The following ZNF254 variants were observed in gnomAD, a reference collection of about 807,000 sequenced individuals.
ZNF254 encodes the protein zinc finger protein 254.
ZNF254 carries 10 observed loss-of-function variants against 12.4 expected under a neutral mutation model. The ratio of observed to expected loss-of-function variants is 0.80; its 90% confidence interval spans 0.50 to 1.36. The LOEUF is 1.36. Among genes scored for constraint, ZNF254 ranks in the 40% most tolerant of loss-of-function variants. ZNF254 has a pLI of 0.00. For missense variants in ZNF254, 996 were observed against 763.9 expected (o/e 1.30, Z -3.58); for synonymous variants, 305 against 253.4 (o/e 1.20, Z -1.93).
chr19:24,106,662 A>G lies in ZNF254; in HGVS notation c.253+19A>G, dbSNP rs1233131536. On this transcript the variant is annotated intron_variant, in intron 3 of 3. Transcript: ENST00000357002. ...CCCCCAGGTAGGTGAGAGTGAATAC[A>G]ACAGATGACATGGATGAGAGGTCCA... 1.3e-6 allele frequency: 2 copies of G among 1,560,048 alleles called. No homozygotes were observed. Among genetic ancestry groups the G allele is most frequent in the East Asian group, 2.4e-5 (1 of 42,150 alleles).
intron 2 of ZNF254, among the ~76,000 whole-genome samples, chr19:24,051,058 T>C (rs1023660197): frequency 6.6e-6 from 1 of 152,140 alleles, no homozygotes; most frequent in African/African-American, 2.4e-5. Flanking sequence ...TTTTGACACA[T>C]AGCTGGGGCC....
intron 3 of ZNF254, among the ~76,000 whole-genome samples, chr19:24,125,122 C>G (rs1254284365): frequency 6.6e-6 from 1 of 151,522 alleles, no homozygotes; most frequent in Admixed American, 6.6e-5. Flanking sequence ...CAAAGGTAAT[C>G]TTTTTGTCTG....
intron 3 of ZNF254, among the ~76,000 whole-genome samples, chr19:24,120,930 ACT>A (rs902636503): frequency 6.8e-6 from 1 of 148,036 alleles, no homozygotes; most frequent in African/African-American, 2.5e-5. Context: ...TTATATGCAA[ACT>A]CTCGCTGTAT....
At chr19:24,077,551 A>T (rs1971701886) in intron 2 of ZNF254, among the ~76,000 whole-genome samples, 2 of 152,188 alleles carry the variant, frequency 1.3e-5, no homozygotes, top group Admixed American at 1.3e-4. Flanking sequence ...TGCAGCACTG[A>T]GCTCCTGGGT....
At chr19:24,055,646 C>T (rs780648745) in intron 2 of ZNF254, among the ~76,000 whole-genome samples, 2 of 152,104 alleles carry the variant, frequency 1.3e-5, no homozygotes, top group African/African-American at 2.4e-5. Context: ...ATAAACACAG[C>T]CCACTTTTGA....
intron 1 of ZNF254, among the ~76,000 whole-genome samples, chr19:24,097,397 T>G (rs985625211): frequency 6.6e-6 from 1 of 152,180 alleles, no homozygotes; most frequent in African/African-American, 2.4e-5. Flanking sequence ...TTATAAAGAT[T>G]AAAAGATACT....
chr19:24,082,150 C>G (rs917178152), intron 2 of ZNF254, among the ~76,000 whole-genome samples: 1 of 151,508 alleles, frequency 6.6e-6, no homozygotes, highest in East Asian at 2.0e-4. Context: ...AAGATAATAT[C>G]GAGTCTCGCA....
intron 3 of ZNF254, among the ~76,000 whole-genome samples, chr19:24,121,909 G>A (rs1974510010): frequency 6.6e-6 from 1 of 151,832 alleles, no homozygotes; most frequent in African/African-American, 2.4e-5. Context: ...GGTTTGTTGT[G>A]AATGGTTTTC....
At chr19:24,078,267 A>T (rs1410922456) in intron 2 of ZNF254, among the ~76,000 whole-genome samples, 1 of 152,130 alleles carries the variant, frequency 6.6e-6, no homozygotes, top group Non-Finnish European at 1.5e-5. Context: ...CCAACTGCTG[A>T]TCTCACCTGA....
rs398034320 is a variant in ZNF254, at chr19:24,048,003, C to CTTTTTTTTTTTTTTTTTTTTTTTTT, written c.-94+1747_-94+1748insTTTTTTTTTTTTTTTTTTTTTTTTT. Among the ~76,000 whole-genome samples the CTTTTTTTTTTTTTTTTTTTTTTTTT allele has an allele frequency of 3.8e-4, 26 of 68,822 alleles. 2 individuals are homozygous for CTTTTTTTTTTTTTTTTTTTTTTTTT. Among genetic ancestry groups the CTTTTTTTTTTTTTTTTTTTTTTTTT allele is most frequent in the Non-Finnish European group, 5.0e-4 (20 of 39,914 alleles). 45.1% of individuals were successfully genotyped at this position (68,822 alleles called of 152,430 possible). A position where few individuals can be genotyped will look rare whatever the true frequency, so the allele number is the denominator to read the frequency against. On this transcript the variant is annotated intron_variant, in intron 2 of 4. Transcript: ENST00000613065. ...CACCCGGCTCTTTTTTTCTTTTCTT[C>CTTTTTTTTTTTTTTTTTTTTTTTTT]TTTTTTTTTTTTTTTTTTTTTTTGC...
chr19:24,086,930 A>G (rs1021923540), upstream of ZNF254, among the ~76,000 whole-genome samples: 1 of 152,246 alleles, frequency 6.6e-6, no homozygotes, highest in African/African-American at 2.4e-5. Context: ...ATTGAAAAAG[A>G]GAGAGAGCAA....
At position 24,087,256 on chromosome 19, in the gene ZNF254, G is replaced by A; in HGVS notation, c.-52G>A. 2 of 1,611,744 alleles carry A rather than the reference G, an allele frequency of 1.2e-6. No homozygotes were observed. The highest frequency in any genetic ancestry group is 1.7e-6 in the Non-Finnish European group (2 of 1,178,494). On this transcript the variant is annotated 5_prime_UTR_variant, in exon 1 of 4. Coordinates refer to ENST00000357002, the MANE Select transcript of ZNF254 (RefSeq NM_203282.4). ...TGCTCTGTGTCCTCTGCTCCTAGAG[G>A]CCCAGCCTCTGTGGCGCTGTTACCA...
intron 2 of ZNF254, among the ~76,000 whole-genome samples, chr19:24,067,571 A>G (rs1294386928): frequency 3.9e-5 from 6 of 151,994 alleles, no homozygotes; most frequent in South Asian, 2.1e-4. Flanking sequence ...CCTGAGCCCT[A>G]TGAAAAGATT....
At chr19:24,074,696 T>G (rs1408170555) in intron 2 of ZNF254, among the ~76,000 whole-genome samples, 1 of 152,216 alleles carries the variant, frequency 6.6e-6, no homozygotes, top group Non-Finnish European at 1.5e-5. Context: ...ACAGTGAGGA[T>G]TGTGATGTAT....
At chr19:24,104,696 A>G (rs1483730640) in intron 1 of ZNF254, 2 of 152,156 alleles carry the variant, frequency 1.3e-5, no homozygotes, top group East Asian at 3.8e-4. Context: ...GTGATCTGCA[A>G]TATTAAAAAT....
intron 3 of ZNF254, among the ~76,000 whole-genome samples, chr19:24,122,517 G>A (rs567202093): frequency 1.3e-5 from 2 of 152,206 alleles, no homozygotes; most frequent in African/African-American, 4.8e-5. Context: ...GAACCACCAT[G>A]CCTGGCCCCA....
chr19:24,125,867 G>A (rs1432891795), intron 3 of ZNF254, among the ~76,000 whole-genome samples: 2 of 152,154 alleles, frequency 1.3e-5, no homozygotes, highest in African/African-American at 2.4e-5. Context: ...GCCAGAAATG[G>A]CAATGATTGT....
upstream of ZNF254, among the ~76,000 whole-genome samples, chr19:24,083,811 G>T (rs1330017081): frequency 6.6e-6 from 1 of 152,120 alleles, no homozygotes; most frequent in Non-Finnish European, 1.5e-5. Flanking sequence ...CTGCAAAAAT[G>T]ACCATAATTA....
intron 2 of ZNF254, 31 bp downstream of exon 2, chr19:24,106,097 C>T (rs1349264579): frequency 2.6e-6 from 4 of 1,541,262 alleles, no homozygotes; most frequent in Non-Finnish European, 3.5e-6. Flanking sequence ...AAATTCCTCA[C>T]ATAAACTAAA....
Sources: allele counts gnomAD v4.1 joint callset (sites outside exome capture counted in the v4.1 genomes callset), GRCh38; gene constraint gnomAD v4.1.1; transcripts MANE v1.5; gene names NCBI Gene and HGNC (gene_info 2026-07-23, HGNC 2026-07-21).